Variants in ATF7IP observed in about 807,000 individuals in gnomAD.
The protein encoded by ATF7IP is activating transcription factor 7-interacting protein 1.
A neutral mutation model predicts 106.4 loss-of-function variants in ATF7IP; 23 were observed. The observed-to-expected ratio is 0.22, with a 90% confidence interval of 0.16 to 0.31. The LOEUF is 0.31. ATF7IP is among the 10% of genes least tolerant of loss of function. ATF7IP has a pLI of 1.00. For missense variants in ATF7IP, 1,334 were observed against 1,524.3 expected (o/e 0.88, Z 2.08); for synonymous variants, 542 against 539.0 (o/e 1.01, Z -0.08).
Position 14,398,158 on chromosome 12 carries a change from T to C in ATF7IP, c.-7-25751T>C, listed in dbSNP as rs1939958857. On this transcript the variant is annotated intron_variant, in intron 1 of 14. Transcript: ENST00000261168. ...AAAGAACTGGCTTTTGGTTCCTTAA[T>C]TGCTTGCTCATTTGTTTTCTTTCAT... Among the ~76,000 whole-genome samples, 6 of 152,120 alleles carry C rather than the reference T, an allele frequency of 3.9e-5. No homozygotes were observed. In the South Asian group the frequency reaches 1.0e-3, roughly 26 times the overall value.
chr12:14,474,200 G>T (rs978780669), intron 10 of ATF7IP, among the ~76,000 whole-genome samples: 2 of 151,556 alleles, frequency 1.3e-5, no homozygotes, highest in African/African-American at 4.8e-5. Context: ...TGTGTCCTAT[G>T]GACTAGAAAA....
intron 5 of ATF7IP, among the ~76,000 whole-genome samples, chr12:14,440,199 T>A (rs1942629669): frequency 6.6e-6 from 1 of 152,084 alleles, no homozygotes; most frequent in Non-Finnish European, 1.5e-5. Flanking sequence ...AAAAAATAAA[T>A]CTCAATTCTT....
chr12:14,439,142 A>T (rs1260788289), intron 5 of ATF7IP, among the ~76,000 whole-genome samples: 1 of 152,168 alleles, frequency 6.6e-6, no homozygotes, highest in Admixed American at 6.5e-5. Context: ...TGCTGTAGTA[A>T]TCTACTTTAT....
At chr12:14,427,457 G>A (rs891199157) in intron 2 of ATF7IP, among the ~76,000 whole-genome samples, 22 of 152,044 alleles carry the variant, frequency 1.4e-4, no homozygotes, top group African/African-American at 5.3e-4. Context: ...CCGCCTCCCG[G>A]GTTCAAGTGA....
chr12:14,376,634 C>T (rs1055173475), intron 1 of ATF7IP, among the ~76,000 whole-genome samples: 2 of 152,196 alleles, frequency 1.3e-5, no homozygotes, highest in Non-Finnish European at 2.9e-5. Flanking sequence ...TCTGCAGTAC[C>T]TATAATTGTA....
chr12:14,429,972 C>T (rs1308105291), intron 2 of ATF7IP, among the ~76,000 whole-genome samples: 1 of 152,086 alleles, frequency 6.6e-6, no homozygotes, highest in East Asian at 1.9e-4. Context: ...AGAGACTTGA[C>T]TTGTATTAGA....
At chr12:14,495,173 G>C (rs1056328999) in intron 13 of ATF7IP, among the ~76,000 whole-genome samples, 2 of 152,112 alleles carry the variant, frequency 1.3e-5, no homozygotes, top group Non-Finnish European at 2.9e-5. Context: ...ACCAGATGAA[G>C]GGTGGATCTG....
chr12:14,388,446 A>T (rs1425289291), intron 1 of ATF7IP, among the ~76,000 whole-genome samples: 1 of 151,220 alleles, frequency 6.6e-6, no homozygotes, highest in Non-Finnish European at 1.5e-5. Flanking sequence ...TCCCAGGTTC[A>T]AGTGATTCTC....
At chr12:14,486,712 C>G (rs1371814858) in intron 13 of ATF7IP, among the ~76,000 whole-genome samples, 1 of 152,200 alleles carries the variant, frequency 6.6e-6, no homozygotes, top group Non-Finnish European at 1.5e-5. Context: ...CCTCTGCTGT[C>G]CATTACGGTA....
Position 14,456,551 on chromosome 12 carries a change from T to C in ATF7IP, c.1996-10T>C, listed in dbSNP as rs199636885. The C allele has an allele frequency of 9.2e-5, 147 of 1,604,104 alleles. No homozygotes were observed. Among genetic ancestry groups the C allele is most frequent in the Non-Finnish European group, 2.1e-5 (25 of 1,173,750 alleles). ...TTTTATTTTTACCTTGATTTTTTTT[T>C]CTCCCCCAGCATCCACCCAACCCAC... is the stretch of plus-strand genomic sequence containing the variant. On this transcript the variant is annotated splice_polypyrimidine_tract_variant and intron_variant, in intron 6 of 14. Transcript: ENST00000261168.
rs1204029202 is a variant in ATF7IP, at chr12:14,497,879, G to A, written c.3619G>A (p.Ala1207Thr). ...HLYAYHEEPS[A>T]TVPSQWKKIG... ...CTATGCTTACCATGAGGAACCCAGT[G>A]CCACTGTGCCCTCACAATGGAAAAA... The change falls in exon 15 of 15, where the codon GCC (alanine) becomes ACC (threonine). Residue 1207 changes from alanine (A) to threonine (T), a missense_variant. Transcript: ENST00000261168. The A allele has an allele frequency of 6.2e-7, 1 of 1,614,146 alleles. No homozygotes were observed. The highest frequency in any genetic ancestry group is 1.1e-5 in the South Asian group (1 of 91,088).
chr12:14,385,950 C>G (rs938481182), intron 1 of ATF7IP, among the ~76,000 whole-genome samples: 8 of 151,976 alleles, frequency 5.3e-5, no homozygotes, highest in Non-Finnish European at 1.2e-4. Flanking sequence ...CTGCCTCCTC[C>G]CAGTATCCAA....
Position 14,431,267 on chromosome 12 carries a change from TGAAAG to T in ATF7IP, c.1559-3064_1559-3060del. Among the ~76,000 whole-genome samples the T allele has an allele frequency of 3.3e-5, 5 of 152,112 alleles. No individual in the cohort carries two copies. The South Asian group carries it at 1.0e-3, about 32-fold the overall frequency. ...TAATGAGCTTACTGTCTAGTCTGCTTGAAAGGAAAGAATATGGAACTATGAAAACT... is the reference window on the plus strand; with the variant it reads ...TAATGAGCTTACTGTCTAGTCTGCTTGAAAGAATATGGAACTATGAAAACT... On this transcript the variant is annotated intron_variant, in intron 2 of 14. Transcript: ENST00000261168.
chr12:14,383,873 T>C (rs554702258), intron 1 of ATF7IP, among the ~76,000 whole-genome samples: 15 of 152,316 alleles, frequency 9.8e-5, no homozygotes, highest in Middle Eastern at 3.4e-3. Context: ...AAATCTTGCT[T>C]TTAATGAATA....
intron 13 of ATF7IP, among the ~76,000 whole-genome samples, chr12:14,483,061 A>G (rs540258606): frequency 1.3e-5 from 2 of 152,234 alleles, no homozygotes; most frequent in Admixed American, 6.5e-5. Flanking sequence ...GGAAATACTC[A>G]TGACAATTAC....
In ATF7IP at chr12:14,500,272, C is replaced by T. The variant is rs1945127144; in HGVS notation, c.*2199C>T. ...AACTCTTTAGAGACTTTTGACTGGTCAGTATACTGAGGTGTGAGATTTGAT... is the reference window on the plus strand; with the variant it reads ...AACTCTTTAGAGACTTTTGACTGGTTAGTATACTGAGGTGTGAGATTTGAT... On this transcript the variant is annotated 3_prime_UTR_variant, in exon 15 of 15. Transcript: ENST00000261168. The T allele has an allele frequency of 6.6e-6, 1 of 152,100 alleles. No homozygotes were observed. The highest frequency in any genetic ancestry group is 1.5e-5 in the Non-Finnish European group (1 of 68,018). The allele number at this position is 152,100 out of a possible 1,614,324, so 9.4% of individuals were successfully genotyped here. A position where few individuals can be genotyped will look rare whatever the true frequency, so the allele number is the denominator to read the frequency against.
chr12:14,394,175 C>T (rs1339170745), intron 1 of ATF7IP, among the ~76,000 whole-genome samples: 1 of 152,110 alleles, frequency 6.6e-6, no homozygotes, highest in Non-Finnish European at 1.5e-5. Context: ...ATAATGTTTA[C>T]TATTTAATTG....
intron 5 of ATF7IP, among the ~76,000 whole-genome samples, chr12:14,440,544 G>T (rs1166589440): frequency 6.6e-6 from 1 of 152,034 alleles, no homozygotes; most frequent in East Asian, 1.9e-4. Flanking sequence ...TGTTTCCCCT[G>T]TTCACTCACC....
At position 14,497,502 on chromosome 12, in the gene ATF7IP, A is replaced by G. The variant is rs531038591; in HGVS notation, c.3394-152A>G. The G allele has an allele frequency of 9.9e-5, 79 of 798,084 alleles. 1 individual carries two copies. The African/African-American group carries it at 1.3e-3, about 13-fold the overall frequency. The allele number at this position is 798,084 out of a possible 1,614,324, so 49.4% of individuals were successfully genotyped here. On this transcript the variant is annotated intron_variant, in intron 14 of 14. Transcript: ENST00000261168. ...TGATTCATTACAAAACCCCAAATAGAACTTGCCAAATTTGATATGGTATTT... is the reference window on the plus strand; with the variant it reads ...TGATTCATTACAAAACCCCAAATAGGACTTGCCAAATTTGATATGGTATTT...
Sources: allele counts gnomAD v4.1 joint callset (sites outside exome capture counted in the v4.1 genomes callset), GRCh38; gene constraint gnomAD v4.1.1; transcripts MANE v1.5; gene names NCBI Gene and HGNC (gene_info 2026-07-23, HGNC 2026-07-21).